Variants in VAV2 observed in about 807,000 individuals in gnomAD.
VAV2 encodes the protein guanine nucleotide exchange factor VAV2.
In VAV2, 67 loss-of-function variants were observed where a neutral mutation model predicts 132.5. The ratio of observed to expected loss-of-function variants is 0.51; its 90% CI spans 0.42 to 0.62. The LOEUF (loss-of-function observed/expected upper bound fraction) is 0.62. VAV2 is among the 20% of genes least tolerant of loss of function. The pLI is 0.00. For synonymous variants in VAV2, 492 were observed against 443.5 expected (o/e 1.11, Z -1.37); for missense variants, 938 against 1,153.6 (o/e 0.81, Z 2.71).
At position 133,992,193 on chromosome 9, in the gene VAV2, A is replaced by C. The variant is rs769205991; in HGVS notation, c.86T>G (p.Val29Gly). The change falls in exon 1 of 30, where the codon GTG becomes GGG. Residue 29 changes from valine (V) to glycine (G), a missense_variant. Val to Gly is a moderately radical substitution (Grantham distance 109, BLOSUM62 -3). Coordinates refer to ENST00000371850, the MANE Select transcript of VAV2 (RefSeq NM_001134398.2). The surrounding 1 kb of genome is among the most constrained non-coding windows in gnomAD (Gnocchi z 5.5). ...PNHRVVWPSA[V>G]VFDLAQALRD... ...CAGCGCCTGCGCCAGGTCGAAGACCACGGCCGAGGGCCACACCACCCGGTG... is the reference window on the plus strand; with the variant it reads ...CAGCGCCTGCGCCAGGTCGAAGACCCCGGCCGAGGGCCACACCACCCGGTG... 6.3e-7 allele frequency: 1 copy of C among 1,598,480 alleles called. No individual in the cohort carries two copies. The highest frequency in any genetic ancestry group is 8.5e-7 in the Non-Finnish European group (1 of 1,172,816).
chr9:133,812,258 G>C, intron 4 of VAV2, 42 bp from the exon 5 acceptor site: 1 of 1,580,780 alleles, frequency 6.3e-7, no homozygotes, highest in Non-Finnish European at 8.7e-7. Context: ...GGAGGCTCCC[G>C]CCACCCTGAC....
chr9:133,818,622 G>A (rs1460822729), intron 4 of VAV2, among the ~76,000 whole-genome samples: 2 of 152,148 alleles, frequency 1.3e-5, no homozygotes, highest in African/African-American at 4.8e-5. Flanking sequence ...CAGCTTGCAG[G>A]CAGCATATGG....
intron 1 of VAV2, among the ~76,000 whole-genome samples, chr9:133,948,220 G>A (rs1002282395): frequency 2.6e-5 from 4 of 152,232 alleles, no homozygotes; most frequent in South Asian, 2.1e-4. Flanking sequence ...GGAGTGTCAC[G>A]AGTTGATTTT....
Position 133,824,169 on chromosome 9 carries a change from A to G in VAV2, c.449+10103T>C, listed in dbSNP as rs1283650757. ...CCAACGAGCTGCGGTCTCCACAGCCAGCCCCACAGGGAAGTGCTGATGGCT... is the reference window on the plus strand; with the variant it reads ...CCAACGAGCTGCGGTCTCCACAGCCGGCCCCACAGGGAAGTGCTGATGGCT... On this transcript the variant is annotated intron_variant, in intron 4 of 29. Coordinates refer to ENST00000371850, the MANE Select transcript of VAV2 (RefSeq NM_001134398.2). The surrounding 1 kb of genome is among the most constrained non-coding windows in gnomAD (Gnocchi z 5.2). 6.6e-6 allele frequency among the ~76,000 whole-genome samples: 1 copy of G among 152,126 alleles called. No individual in the cohort carries two copies. Among genetic ancestry groups the G allele is most frequent in the Admixed American group, 6.5e-5 (1 of 15,284 alleles).
intron 13 of VAV2, 63 bp from the exon 14 acceptor site, chr9:133,789,406 G>C: frequency 2.0e-6 from 3 of 1,531,922 alleles, no homozygotes; most frequent in Non-Finnish European, 2.7e-6. Flanking sequence ...CTGACCGCAC[G>C]GGCAGGGCAG....
Position 133,992,321 on chromosome 9 carries a change from A to C in VAV2, c.-43T>G. 1 of 1,272,358 alleles carries C rather than the reference A, an allele frequency of 7.9e-7. No individual in the cohort carries two copies. Among genetic ancestry groups the C allele is most frequent in the Non-Finnish European group, 1.0e-6 (1 of 1,003,858 alleles). The allele number at this position is 1,272,358 out of a possible 1,614,324, so 78.8% of individuals were successfully genotyped here. On this transcript the variant is annotated 5_prime_UTR_variant, in exon 1 of 30. Coordinates refer to ENST00000371850, the MANE Select transcript of VAV2 (RefSeq NM_001134398.2). This position sits in a 1 kb window ranked among gnomAD's most constrained non-coding sequence, Gnocchi z 5.5. ...CCGGCTCAGGGCAGTGCTCGAGCCA[A>C]AGTGCAGCGGCCGCGGGGCATCCCG...
chr9:133,978,803 G>A (rs556329054), intron 1 of VAV2, among the ~76,000 whole-genome samples: 34 of 152,372 alleles, frequency 2.2e-4, no homozygotes, highest in Non-Finnish European at 4.4e-4. Context: ...CCACGGTCCT[G>A]TATTTGTCAT....
chr9:133,968,887 C>T (rs1842234856), intron 1 of VAV2, among the ~76,000 whole-genome samples: 1 of 152,174 alleles, frequency 6.6e-6, no homozygotes, highest in South Asian at 2.1e-4. Context: ...GCAAATGTGC[C>T]TCACTGAGAA....
chr9:133,837,629 G>A (rs928031054), intron 3 of VAV2, among the ~76,000 whole-genome samples: 3 of 151,888 alleles, frequency 2.0e-5, no homozygotes, highest in African/African-American at 7.3e-5. Flanking sequence ...AACCCGGGAG[G>A]CGGAGGTTGC....
intron 19 of VAV2, 123 bp downstream of exon 19, chr9:133,783,380 G>A: frequency 1.1e-6 from 1 of 880,568 alleles, no homozygotes; most frequent in Non-Finnish European, 1.9e-6. Context: ...CGTGAGCACT[G>A]GTGCCCTCAT....
intron 1 of VAV2, among the ~76,000 whole-genome samples, chr9:133,981,294 C>T (rs1294229347): frequency 6.6e-6 from 1 of 152,226 alleles, no homozygotes; most frequent in Non-Finnish European, 1.5e-5. Flanking sequence ...CACTAGTGAC[C>T]ACGACCACAC....
chr9:133,977,663 G>A (rs1022344385), intron 1 of VAV2, among the ~76,000 whole-genome samples: 12 of 152,240 alleles, frequency 7.9e-5, no homozygotes, highest in Admixed American at 2.6e-4. Flanking sequence ...AACAGTCAGA[G>A]GTGGGACATT....
chr9:133,975,474 C>G (rs979887508), intron 1 of VAV2, among the ~76,000 whole-genome samples: 2 of 152,258 alleles, frequency 1.3e-5, no homozygotes, highest in Non-Finnish European at 2.9e-5. Flanking sequence ...GACTGTCACT[C>G]ACACAAACCC....
intron 1 of VAV2, among the ~76,000 whole-genome samples, chr9:133,979,368 T>C (rs1332036030): frequency 4.6e-5 from 7 of 152,178 alleles, no homozygotes; most frequent in Admixed American, 2.0e-4. Flanking sequence ...ACGCTGTGTG[T>C]GCGGTCTCCA....
intron 2 of VAV2, among the ~76,000 whole-genome samples, chr9:133,911,545 C>T (rs960759900): frequency 3.3e-5 from 5 of 152,202 alleles, no homozygotes; most frequent in African/African-American, 9.7e-5. Context: ...ACAGTCAAGA[C>T]GGTGAACATA....
chr9:133,854,259 A>G (rs1484598189), intron 3 of VAV2, among the ~76,000 whole-genome samples: 1 of 146,054 alleles, frequency 6.8e-6, no homozygotes, highest in East Asian at 2.0e-4. Flanking sequence ...TCATCTGCAC[A>G]CACACACGCA....
intron 2 of VAV2, among the ~76,000 whole-genome samples, chr9:133,914,798 G>GC (rs1840012323): frequency 1.2e-3 from 3 of 2,500 alleles, no homozygotes; most frequent in African/African-American, 1.6e-3. Flanking sequence ...AGGAGGAGGA[G>GC]AGGGGAAGGG....
intron 4 of VAV2, among the ~76,000 whole-genome samples, chr9:133,831,300 G>C (rs1483688337): frequency 6.6e-6 from 1 of 152,216 alleles, no homozygotes; most frequent in Non-Finnish European, 1.5e-5. Context: ...GCCGGGCGTG[G>C]TGGTGCATGC....
rs117849206 is a variant in VAV2 at position 133,862,558 on chromosome 9, G to A, written c.322-1126C>T. On this transcript the variant is annotated intron_variant, in intron 2 of 29. Coordinates refer to ENST00000371850, the MANE Select transcript of VAV2 (RefSeq NM_001134398.2). ...TGCTACAAGTCTGTGTGCACTGCAC[G>A]GCTGCGCAGCTGTATGTGCATGTGT... Among the ~76,000 whole-genome samples the A allele has an allele frequency of 1.1e-3, 165 of 152,350 alleles. 1 individual carries two copies. In the East Asian group the frequency reaches 0.025, roughly 24 times the overall value.
Sources: gnomAD v4.1 joint callset for allele counts (sites outside exome capture counted in the v4.1 genomes callset) on GRCh38, gnomAD v4.1.1 for gene constraint, Gnocchi (gnomAD v3.1) non-coding constraint, MANE v1.5 for transcripts, NCBI Gene and HGNC (gene_info 2026-07-23, HGNC 2026-07-21) for gene names.